Variants in HIF1A observed in about 807,000 individuals in gnomAD.
The protein encoded by HIF1A is hypoxia inducible factor 1 subunit alpha, also known as hypoxia-inducible factor 1-alpha.
HIF1A carries 24 observed loss-of-function variants against 92.7 expected under a neutral mutation model. That is an observed-to-expected ratio of 0.26 (90% CI 0.19 to 0.36). HIF1A has a LOEUF of 0.36. Ranked by LOEUF, HIF1A falls within the 10% of genes least tolerant of loss-of-function variation. HIF1A has a pLI of 1.00. For missense variants in HIF1A, 799 were observed against 998.5 expected, an observed-to-expected ratio of 0.80 and a Z score of 2.69; for synonymous variants, 319 against 338.7, an observed-to-expected ratio of 0.94 and a Z score of 0.64.
At chr14:61,700,106 G>T (rs1420538919) in intron 1 of HIF1A, among the ~76,000 whole-genome samples, 2 of 151,994 alleles carry the variant, frequency 1.3e-5, no homozygotes, top group Non-Finnish European at 2.9e-5. Flanking sequence ...AAACAAAAAT[G>T]TGATTACCTC....
rs1290636681 is a variant in HIF1A at position 61,737,042 on chromosome 14, T to A, written c.1182T>A (p.Pro394=). The change falls in exon 9 of 15, where the codon CCT becomes CCA. Residue 394 remains proline (P), a synonymous_variant. Transcript: ENST00000337138. The part of the protein sequence containing the change: ...SSLFDKLKKE[P]DALTLLAPAA... ...TCTTTGACAAACTTAAGAAGGAACC[T>A]GATGCTTTAACTTTGCTGGCCCCAG... 2.5e-6 allele frequency: 4 copies of A among 1,614,194 alleles called. No individual in the cohort carries two copies. In the South Asian group the frequency reaches 4.4e-5, roughly 18 times the overall value.
At chr14:61,741,285 G>T in intron 12 of HIF1A, 97 bp downstream of exon 12, 1 of 833,634 alleles carries the variant, frequency 1.2e-6, no homozygotes. Flanking sequence ...CAAACTTTCT[G>T]ATATATATGC....
chr14:61,733,306 G>A (rs942536264), intron 7 of HIF1A, among the ~76,000 whole-genome samples: 3 of 152,252 alleles, frequency 2.0e-5, no homozygotes, highest in African/African-American at 4.8e-5. Flanking sequence ...GGCTGGTCTC[G>A]AACTCCTGAC....
rs1594853629 is a variant in HIF1A at position 61,698,817 on chromosome 14, C to A, written c.35+2978C>A. 2.0e-5 allele frequency: 3 copies of A among 152,320 alleles called. No individual in the cohort carries two copies. The East Asian group carries it at 5.8e-4, about 29-fold the overall frequency. 9.4% of individuals were successfully genotyped at this position (152,320 alleles called of 1,614,324 possible). On this transcript the variant is annotated intron_variant, in intron 1 of 14. Transcript: ENST00000337138. The stretch of plus-strand genomic sequence containing the variant: ...AGGCCTCCTGCTTCACAATTGCTCA[C>A]CCCTGTGTTTTCTCCCCAAATAGAA...
chr14:61,735,882 A>ATG (rs1203402387), intron 8 of HIF1A, among the ~76,000 whole-genome samples: 1 of 152,150 alleles, frequency 6.6e-6, no homozygotes, highest in African/African-American at 2.4e-5. Context: ...CAATTTCATA[A>ATG]TGTGTGTCAG....
intron 1 of HIF1A, among the ~76,000 whole-genome samples, chr14:61,699,338 C>T (rs1199718182): frequency 1.3e-5 from 2 of 152,178 alleles, no homozygotes; most frequent in Admixed American, 6.5e-5. Flanking sequence ...ACTTTTAACG[C>T]CATTGTCTGT....
rs147023180 is a variant in HIF1A at position 61,732,201 on chromosome 14, G to C, written c.774-217G>C. On this transcript the variant is annotated intron_variant, in intron 6 of 14. Transcript: ENST00000337138. ...AGGATTAAAGAGTTAAATAACAGGA[G>C]GAATCTAGAGGACTTAAAGAAATGT... Among the ~76,000 whole-genome samples, 906 of 152,234 alleles carry C rather than the reference G, an allele frequency of 6.0e-3. 12 individuals carry two copies. Among genetic ancestry groups the C allele is most frequent in the African/African-American group, 0.02 (845 of 41,536 alleles).
chr14:61,738,053 ATACTT>A (rs2044660272), intron 9 of HIF1A, 29 bp from the exon 10 acceptor site: 1 of 1,506,228 alleles, frequency 6.6e-7, no homozygotes. Context: ...AAATCCTTCT[ATACTT>A]TAGATTGACT....
chr14:61,740,798 T>C lies in HIF1A; in HGVS notation c.1703T>C (p.Met568Thr). The C allele has an allele frequency of 6.2e-7, 1 of 1,614,090 alleles. No individual in the cohort carries two copies. Among genetic ancestry groups the C allele is most frequent in the Non-Finnish European group, 8.5e-7 (1 of 1,179,992 alleles). Reference sequence around the variant, plus strand: ...GAGATGTTAGCTCCCTATATCCCAATGGATGATGACTTCCAGTTACGTTCC... The same window carrying C: ...GAGATGTTAGCTCCCTATATCCCAACGGATGATGACTTCCAGTTACGTTCC... ...DLEMLAPYIP[M>T]DDDFQLRSFD... Residue 568 changes from methionine (M) to threonine (T), a missense_variant, in exon 12 of 15, where the codon ATG (methionine) becomes ACG (threonine). Around this residue, in one of 2 missense-constraint regions of HIF1A, gnomAD observed 516 missense variants for 721.0 expected, o/e 0.72. Transcript: ENST00000337138.
intron 14 of HIF1A, among the ~76,000 whole-genome samples, chr14:61,746,550 T>C (rs957236017): frequency 2.6e-5 from 4 of 151,906 alleles, no homozygotes; most frequent in Non-Finnish European, 4.4e-5. Context: ...ACTACAGACA[T>C]GCCTCACCAC....
chr14:61,744,946 G>T, intron 13 of HIF1A, 133 bp downstream of exon 13: 1 of 490,250 alleles, frequency 2.0e-6, no homozygotes, highest in South Asian at 3.8e-5. Flanking sequence ...TTATACATTG[G>T]GTTTTTTTAC....
At chr14:61,730,646 C>G (rs2044565565) in intron 6 of HIF1A, among the ~76,000 whole-genome samples, 1 of 152,142 alleles carries the variant, frequency 6.6e-6, no homozygotes, top group South Asian at 2.1e-4. Context: ...TTCTACCATT[C>G]CTTTGCATGG....
chr14:61,726,671 A>G (rs756721643), intron 4 of HIF1A, 35 bp from the exon 5 acceptor site: 27 of 1,303,292 alleles, frequency 2.1e-5, no homozygotes, highest in Admixed American at 8.7e-5. Flanking sequence ...TTGTATATTT[A>G]GTTGCTTTAA....
At chr14:61,724,346 A>T (rs1325878782) in intron 4 of HIF1A, among the ~76,000 whole-genome samples, 1 of 32,572 alleles carries the variant, frequency 3.1e-5, no homozygotes, top group Non-Finnish European at 1.3e-4. Flanking sequence ...CGACACACAC[A>T]CATTCTCTCT....
chr14:61,718,916 A>G (rs1566566358), intron 1 of HIF1A, among the ~76,000 whole-genome samples: 1 of 152,240 alleles, frequency 6.6e-6, no homozygotes. Flanking sequence ...GTTCAATAAC[A>G]TGCTTACATT....
At chr14:61,746,383 T>C (rs955070741) in intron 14 of HIF1A, among the ~76,000 whole-genome samples, 6 of 131,438 alleles carry the variant, frequency 4.6e-5, no homozygotes, top group African/African-American at 1.8e-4. Flanking sequence ...TTGTGAACTT[T>C]TATGACTTCT....
At chr14:61,706,775 G>A (rs983946344) in intron 1 of HIF1A, among the ~76,000 whole-genome samples, 2 of 152,182 alleles carry the variant, frequency 1.3e-5, no homozygotes, top group African/African-American at 4.8e-5. Flanking sequence ...ACTCAGAAAT[G>A]AAACATAGAC....
intron 2 of HIF1A, 23 bp downstream of exon 2, chr14:61,720,595 A>C (rs769563867): frequency 4.9e-6 from 7 of 1,432,114 alleles, no homozygotes; most frequent in African/African-American, 1.5e-5. Flanking sequence ...ACAAGGGTAT[A>C]AATAGGCCTG....
In HIF1A at chr14:61,695,847, C is replaced by T. The variant is rs781385199; in HGVS notation, c.35+8C>T. 4.4e-6 allele frequency: 7 copies of T among 1,577,054 alleles called. No individual in the cohort carries two copies. The highest frequency in any genetic ancestry group is 6.0e-6 in the Non-Finnish European group (7 of 1,162,210). ...CGCGAACGACAAGAAAAAGTAAGCC[C>T]ATTCCCTCGGCCCGCCGCCTTCTCC... On this transcript the variant is annotated splice_region_variant and intron_variant, in intron 1 of 14. Coordinates refer to ENST00000337138, the MANE Select transcript of HIF1A (RefSeq NM_001530.4).
Sources: gnomAD v4.1 joint callset for allele counts (sites outside exome capture counted in the v4.1 genomes callset) on GRCh38, gnomAD v4.1.1 for gene constraint, gnomAD v4.1.1 regional missense constraint, MANE v1.5 for transcripts, NCBI Gene and HGNC (gene_info 2026-07-23, HGNC 2026-07-21) for gene names.